Variants in KLHL14 observed in about 807,000 individuals in gnomAD.
KLHL14 encodes kelch like family member 14.
KLHL14 carries 22 observed loss-of-function variants against 64.3 expected under a neutral mutation model. The observed-to-expected ratio is 0.34, with a 90% CI of 0.24 to 0.49. The LOEUF is 0.49. Among genes scored for constraint, KLHL14 ranks in the 20% least tolerant of loss-of-function variants. The pLI is 0.99. For missense variants in KLHL14, 661 were observed against 789.0 expected, an observed-to-expected ratio of 0.84 and a Z score of 1.94; for synonymous variants, 322 against 333.4, an observed-to-expected ratio of 0.97 and a Z score of 0.37.
intron 3 of KLHL14, among the ~76,000 whole-genome samples, chr18:32,718,173 A>G (rs906675294): frequency 2.0e-5 from 3 of 152,170 alleles, no homozygotes; most frequent in Non-Finnish European, 2.9e-5. Flanking sequence ...CACAGATTTA[A>G]TTATGTTATT....
intron 2 of KLHL14, among the ~76,000 whole-genome samples, chr18:32,753,784 C>G (rs1444253240): frequency 6.6e-6 from 1 of 152,262 alleles, no homozygotes; most frequent in East Asian, 1.9e-4. Context: ...TCCTTCTCCA[C>G]CTCCCAGATT....
At chr18:32,758,320 A>C (rs761014926) in intron 2 of KLHL14, among the ~76,000 whole-genome samples, 3 of 152,166 alleles carry the variant, frequency 2.0e-5, no homozygotes, top group Admixed American at 6.5e-5. Context: ...AGTGGCCAAT[A>C]AGCACATGAA....
In KLHL14 at chr18:32,683,277, A is replaced by G. The variant is rs905702893; in HGVS notation, c.1239-2678T>C. ...GTCACTGTTAGGATCTAAATGGGAA[A>G]AAATCAGCAGATTTCACTTCCTGAT... is the stretch of plus-strand genomic sequence containing the variant. On this transcript the variant is annotated intron_variant, in intron 5 of 8. Coordinates refer to ENST00000359358, the MANE Select transcript of KLHL14 (RefSeq NM_020805.3). This position sits in a 1 kb window ranked among gnomAD's most constrained non-coding sequence, Gnocchi z 4.2. 6.6e-6 allele frequency among the ~76,000 whole-genome samples: 1 copy of G among 152,194 alleles called. No individual in the cohort carries two copies. The highest frequency in any genetic ancestry group is 2.4e-5 in the African/African-American group (1 of 41,442).
chr18:32,769,949 G>T lies in KLHL14; in HGVS notation c.643C>A (p.Leu215Met). ...ANKYLVEDVL[L>M]LNFEEMRALL... ...GCGCGCATCTCCTCGAAGTTGAGCA[G>T]CAGCACATCCTCCACCAGGTACTTG... The change falls in exon 2 of 9, where the codon CTG becomes ATG. Residue 215 changes from leucine (L) to methionine (M), a missense_variant. Transcript: ENST00000359358. 6.2e-7 allele frequency: 1 copy of T among 1,614,216 alleles called. No homozygotes were observed. Among genetic ancestry groups the T allele is most frequent in the South Asian group, 1.1e-5 (1 of 91,082 alleles).
Position 32,680,408 on chromosome 18 carries a change from C to G in KLHL14, c.1429+1G>C. On this transcript the variant is annotated splice_donor_variant, in intron 6 of 8. Coordinates refer to ENST00000359358, the MANE Select transcript of KLHL14 (RefSeq NM_020805.3). LOFTEE classifies it high-confidence loss of function. The surrounding 1 kb of genome is among the most constrained non-coding windows in gnomAD (Gnocchi z 4.8). ...TAACAGAAAGTGGAGGAATTACTTG[C>G]CTGAAATGTATATTTTCCCATTGTG... is the stretch of plus-strand genomic sequence containing the variant. The G allele has an allele frequency of 6.2e-7, 1 of 1,613,776 alleles. No individual in the cohort carries two copies. Among genetic ancestry groups the G allele is most frequent in the Non-Finnish European group, 8.5e-7 (1 of 1,179,774 alleles).
intron 3 of KLHL14, among the ~76,000 whole-genome samples, chr18:32,721,265 G>C (rs2050078364): frequency 6.6e-6 from 1 of 152,166 alleles, no homozygotes; most frequent in African/African-American, 2.4e-5. Context: ...AAAAAACCCA[G>C]GCTTCTATTT....
intron 2 of KLHL14, chr18:32,743,875 T>G (rs1301917355): frequency 6.6e-6 from 1 of 152,184 alleles, no homozygotes; most frequent in Admixed American, 6.5e-5. Flanking sequence ...TATATGACCA[T>G]TTTTTTCTTA....
At chr18:32,769,565 T>TC in intron 2 of KLHL14, 80 bp downstream of exon 2, 1 of 509,056 alleles carries the variant, frequency 2.0e-6, no homozygotes, top group Non-Finnish European at 3.1e-6. Context: ...ATCTCTTCCC[T>TC]CCTCCCTGCC....
At position 32,741,976 on chromosome 18, in the gene KLHL14, A is replaced by C. The variant is rs1387096879; in HGVS notation, c.1021T>G (p.Leu341Val). ...PPGPDRLPSN[L>V]VQYYDDEKKT... ...TTTTCATCGTCGTAATACTGAACCA[A>C]ATTGCTGGGGAGCCGGTCCGGTCCA... Residue 341 changes from leucine (L) to valine (V), a missense_variant, in exon 3 of 9, where the codon TTG (leucine) becomes GTG (valine). Around this residue, in one of 2 missense-constraint regions of KLHL14, gnomAD observed 330 missense variants for 450.0 expected, o/e 0.73. Coordinates refer to ENST00000359358, the MANE Select transcript of KLHL14 (RefSeq NM_020805.3). The C allele has an allele frequency of 1.9e-6, 3 of 1,612,726 alleles. No individual in the cohort carries two copies. In the African/African-American group the frequency reaches 4.0e-5, roughly 22 times the overall value.
chr18:32,706,180 C>T (rs1368594933), intron 3 of KLHL14, among the ~76,000 whole-genome samples: 3 of 152,138 alleles, frequency 2.0e-5, no homozygotes, highest in Non-Finnish European at 4.4e-5. Context: ...CATGTGTATG[C>T]GTGATGTCCA....
In KLHL14 at chr18:32,770,520, G is replaced by T; in HGVS notation, c.72C>A (p.Asn24Lys). The change falls in exon 2 of 9, where the codon AAC (asparagine) becomes AAA (lysine). Residue 24 changes from asparagine (N) to lysine (K), a missense_variant. Physicochemically the swap from Asn to Lys is moderately conservative, Grantham distance 94 (BLOSUM62 0). Around this residue, in one of 2 missense-constraint regions of KLHL14, gnomAD observed 331 missense variants for 339.0 expected, o/e 0.98. Transcript: ENST00000359358. The surrounding 1 kb of genome is among the most constrained non-coding windows in gnomAD (Gnocchi z 6.7). ...AAAACAGCTGCTTCCTCCACAGCAG[G>T]TTGAGGCCGTGCAGCAGGTTGTCGC... is the stretch of plus-strand genomic sequence containing the variant. The part of the protein sequence containing the change: ...SHSDNLLHGL[N>K]LLWRKQLFCD... 6.2e-7 allele frequency: 1 copy of T among 1,606,948 alleles called. No homozygotes were observed.
At chr18:32,749,312 C>T (rs1265221640) in intron 2 of KLHL14, among the ~76,000 whole-genome samples, 2 of 152,158 alleles carry the variant, frequency 1.3e-5, no homozygotes, top group Non-Finnish European at 2.9e-5. Flanking sequence ...CTTTCCGAAG[C>T]CAGGTTAATT....
At chr18:32,724,045 T>C (rs911918790) in intron 3 of KLHL14, among the ~76,000 whole-genome samples, 1 of 152,120 alleles carries the variant, frequency 6.6e-6, no homozygotes, top group Non-Finnish European at 1.5e-5. Context: ...AAAAAAAATA[T>C]CATGTTAGAA....
intron 3 of KLHL14, among the ~76,000 whole-genome samples, chr18:32,732,676 G>A (rs1035257542): frequency 2.6e-5 from 4 of 152,132 alleles, no homozygotes; most frequent in Non-Finnish European, 4.4e-5. Context: ...TGTGGAACAG[G>A]CTCCCAGTTA....
intron 3 of KLHL14, among the ~76,000 whole-genome samples, chr18:32,705,671 C>T (rs559525786): frequency 2.0e-5 from 3 of 151,920 alleles, no homozygotes; most frequent in South Asian, 2.1e-4. Context: ...TATAATGAGC[C>T]GAGATCACAC....
intron 3 of KLHL14, among the ~76,000 whole-genome samples, chr18:32,700,137 A>G (rs2049957810): frequency 6.6e-6 from 1 of 152,152 alleles, no homozygotes; most frequent in Admixed American, 6.5e-5. Context: ...AGCAGAAAGT[A>G]TACGTATCCT....
rs2049853051 is a variant in KLHL14 at position 32,683,418 on chromosome 18, A to G, written c.1239-2819T>C. Among the ~76,000 whole-genome samples the G allele has an allele frequency of 6.6e-6, 1 of 152,174 alleles. No individual in the cohort carries two copies. The highest frequency in any genetic ancestry group is 1.5e-5 in the Non-Finnish European group (1 of 68,030). On this transcript the variant is annotated intron_variant, in intron 5 of 8. Coordinates refer to ENST00000359358, the MANE Select transcript of KLHL14 (RefSeq NM_020805.3). The surrounding 1 kb of genome is among the most constrained non-coding windows in gnomAD (Gnocchi z 4.2). ...ATGCATTTTAGAAACCTGATTGTTA[A>G]TGGTCTGCCAGCAACTGTGAACATT...
At chr18:32,707,828 CT>C (rs1427410679) in intron 3 of KLHL14, among the ~76,000 whole-genome samples, 6 of 152,156 alleles carry the variant, frequency 3.9e-5, no homozygotes, top group African/African-American at 1.4e-4. Context: ...GCTTTGTATC[CT>C]TTTGCTGTAA....
At chr18:32,689,402 G>C (rs1260466986) in intron 4 of KLHL14, among the ~76,000 whole-genome samples, 1 of 152,140 alleles carries the variant, frequency 6.6e-6, no homozygotes, top group Non-Finnish European at 1.5e-5. Flanking sequence ...GAAGCAAATA[G>C]TGTTTCAAAA....
Sources: gnomAD v4.1 joint callset for allele counts (sites outside exome capture counted in the v4.1 genomes callset) on GRCh38, gnomAD v4.1.1 for gene constraint, gnomAD v4.1.1 regional missense constraint, Gnocchi (gnomAD v3.1) non-coding constraint, MANE v1.5 for transcripts, NCBI Gene and HGNC (gene_info 2026-07-23, HGNC 2026-07-21) for gene names.